The following RHOBTB1 variants were observed in gnomAD, a reference collection of about 807,000 sequenced individuals.
The protein encoded by RHOBTB1 is rho-related BTB domain-containing protein 1.
In RHOBTB1, 40 loss-of-function variants were observed where a neutral mutation model predicts 71.6. The observed-to-expected ratio is 0.56, with a 90% CI of 0.43 to 0.73. The LOEUF (loss-of-function observed/expected upper bound fraction) is 0.73. Ranked by LOEUF, RHOBTB1 falls within the 30% of genes least tolerant of loss-of-function variation. The pLI is 0.00. For synonymous variants in RHOBTB1, 319 were observed against 334.9 expected, an observed-to-expected ratio of 0.95 and a Z score of 0.52; for missense variants, 797 against 894.0, an observed-to-expected ratio of 0.89 and a Z score of 1.38.
At chr10:60,951,757 A>G (rs2085416098) in intron 2 of RHOBTB1, among the ~76,000 whole-genome samples, 1 of 147,566 alleles carries the variant, frequency 6.8e-6, no homozygotes, top group Non-Finnish European at 1.5e-5. Flanking sequence ...AATGGTTGTT[A>G]ATAATGGTAA....
chr10:60,907,784 G>A (rs891016744), intron 4 of RHOBTB1, among the ~76,000 whole-genome samples: 15 of 152,134 alleles, frequency 9.9e-5, no homozygotes, highest in African/African-American at 3.4e-4. Flanking sequence ...ACCAATGTAG[G>A]GTCCCAGTAG....
At chr10:60,931,953 T>C (rs1466561548) in intron 2 of RHOBTB1, among the ~76,000 whole-genome samples, 1 of 152,174 alleles carries the variant, frequency 6.6e-6, no homozygotes, top group Non-Finnish European at 1.5e-5. Flanking sequence ...GTAACTGAAA[T>C]GAGCAATTTT....
chr10:60,901,719 T>C (rs1202157488), intron 4 of RHOBTB1, among the ~76,000 whole-genome samples: 1 of 152,254 alleles, frequency 6.6e-6, no homozygotes, highest in Non-Finnish European at 1.5e-5. Flanking sequence ...AAAGTCAACA[T>C]ACTTAGTTGT....
Position 60,888,561 on chromosome 10 carries a change from C to T in RHOBTB1, c.1107G>A (p.Gln369=). ...ACCCCTTACTCCATCCGGTCAAAGT[C>T]TGTGTCTCAGGAACTGCACCCTCGG... ...LEAEGAVPET[Q]TLTGWSKGFI... Residue 369 remains glutamine (Q), a synonymous_variant, in exon 6 of 11, where the codon CAG becomes CAA. Coordinates refer to ENST00000337910, the MANE Select transcript of RHOBTB1 (RefSeq NM_014836.5). The T allele has an allele frequency of 6.2e-7, 1 of 1,614,180 alleles. No homozygotes were observed. The highest frequency in any genetic ancestry group is 8.5e-7 in the Non-Finnish European group (1 of 1,180,036).
chr10:60,875,380 G>T (rs2132259222), intron 8 of RHOBTB1, among the ~76,000 whole-genome samples: 1 of 152,288 alleles, frequency 6.6e-6, no homozygotes. Flanking sequence ...GAAATTAAAA[G>T]TTCAGCTCCT....
chr10:60,925,525 T>C (rs1313408003), intron 2 of RHOBTB1, among the ~76,000 whole-genome samples: 1 of 151,840 alleles, frequency 6.6e-6, no homozygotes, highest in Non-Finnish European at 1.5e-5. Context: ...CGTAAAGAAC[T>C]AGAAAAGCAA....
chr10:60,949,411 C>A (rs921317663), intron 2 of RHOBTB1, among the ~76,000 whole-genome samples: 9 of 152,142 alleles, frequency 5.9e-5, no homozygotes, highest in Non-Finnish European at 1.3e-4. Context: ...AGTGAAAGAC[C>A]CTTCAGCGTG....
chr10:60,908,949 G>A (rs2082823251), intron 4 of RHOBTB1, among the ~76,000 whole-genome samples: 1 of 152,178 alleles, frequency 6.6e-6, no homozygotes, highest in Admixed American at 6.5e-5. Flanking sequence ...TTGGCTTGGG[G>A]GAGCACTTCC....
chr10:60,962,865 A>G (rs1370491618), intron 2 of RHOBTB1, among the ~76,000 whole-genome samples: 1 of 152,150 alleles, frequency 6.6e-6, no homozygotes, highest in Non-Finnish European at 1.5e-5. Context: ...TGATTTTACT[A>G]CTTTAACTCT....
chr10:60,874,758 G>A (rs944934868), intron 9 of RHOBTB1, among the ~76,000 whole-genome samples, 196 bp downstream of exon 9: 7 of 152,150 alleles, frequency 4.6e-5, no homozygotes, highest in African/African-American at 1.7e-4. Context: ...GGACCGTTTT[G>A]TTTATTCAAA....
At chr10:60,898,179 C>T (rs951470586) in intron 4 of RHOBTB1, among the ~76,000 whole-genome samples, 3 of 152,050 alleles carry the variant, frequency 2.0e-5, no homozygotes, top group African/African-American at 7.2e-5. Flanking sequence ...ACATTGTGGT[C>T]ACATTTTAAT....
At chr10:60,956,772 G>A (rs1029077742) in intron 2 of RHOBTB1, among the ~76,000 whole-genome samples, 2 of 151,644 alleles carry the variant, frequency 1.3e-5, no homozygotes, top group Admixed American at 1.3e-4. Context: ...TGTCCCACTG[G>A]AAAATGTTAT....
intron 6 of RHOBTB1, 132 bp from the exon 7 acceptor site, chr10:60,886,362 G>A: frequency 3.1e-6 from 2 of 640,860 alleles, no homozygotes; most frequent in Non-Finnish European, 5.5e-6. Flanking sequence ...CTGATTTTAT[G>A]TCAATCCCCA....
chr10:60,975,747 A>G (rs2086293417), intron 2 of RHOBTB1, among the ~76,000 whole-genome samples: 1 of 152,110 alleles, frequency 6.6e-6, no homozygotes, highest in Non-Finnish European at 1.5e-5. Flanking sequence ...CTCTCTTCGA[A>G]ATGTTTCATT....
chr10:60,964,283 G>A (rs1242984490), intron 2 of RHOBTB1, among the ~76,000 whole-genome samples: 1 of 152,094 alleles, frequency 6.6e-6, no homozygotes, highest in Non-Finnish European at 1.5e-5. Flanking sequence ...CTGGAGAGAA[G>A]GTTGGCGCCA....
upstream of RHOBTB1, among the ~76,000 whole-genome samples, chr10:60,948,450 T>C (rs2085306538): frequency 6.6e-6 from 1 of 152,170 alleles, no homozygotes; most frequent in South Asian, 2.1e-4. Flanking sequence ...TAGTCGAGGC[T>C]GAGCCTTGTG....
intron 2 of RHOBTB1, among the ~76,000 whole-genome samples, chr10:60,970,044 A>G (rs1394907977): frequency 2.0e-5 from 3 of 152,064 alleles, no homozygotes; most frequent in African/African-American, 7.2e-5. Context: ...TCATTACTCA[A>G]AGACTGTATT....
intron 2 of RHOBTB1, among the ~76,000 whole-genome samples, chr10:60,933,398 A>C (rs2084371549): frequency 1.3e-5 from 2 of 152,236 alleles, no homozygotes; most frequent in South Asian, 4.1e-4. Context: ...CTGGAAAAAT[A>C]ATAAATGTAT....
chr10:60,881,492 G>A (rs1449797799), intron 7 of RHOBTB1, among the ~76,000 whole-genome samples: 2 of 152,138 alleles, frequency 1.3e-5, no homozygotes, highest in Admixed American at 6.6e-5. Flanking sequence ...GGGGATGTCT[G>A]GTGTTTCTGA....
Sources: allele counts gnomAD v4.1 joint callset (sites outside exome capture counted in the v4.1 genomes callset), GRCh38; gene constraint gnomAD v4.1.1; transcripts MANE v1.5; gene names NCBI Gene and HGNC (gene_info 2026-07-23, HGNC 2026-07-21).